Variants in MGAT5B observed in about 807,000 individuals in gnomAD.
MGAT5B encodes the protein N-acetylglucosaminyl-transferase Vb.
Under a neutral mutation model 95.1 loss-of-function variants are expected in MGAT5B, and 54 were observed. The ratio of observed to expected loss-of-function variants is 0.57; its 90% confidence interval spans 0.46 to 0.71. The LOEUF is 0.71. MGAT5B is among the 30% of genes least tolerant of loss of function. The pLI, the probability that MGAT5B is intolerant of heterozygous loss-of-function variation, is 0.00. For missense variants in MGAT5B, 935 were observed against 1,088.6 expected (o/e 0.86, Z 1.99); for synonymous variants, 464 against 451.0 (o/e 1.03, Z -0.36).
intron 1 of MGAT5B, among the ~76,000 whole-genome samples, chr17:76,872,310 C>T (rs1306203134): frequency 2.6e-5 from 4 of 152,206 alleles, no homozygotes; most frequent in East Asian, 1.9e-4. Flanking sequence ...CTGCACACTG[C>T]ACCAAGGCTG....
intron 15 of MGAT5B, among the ~76,000 whole-genome samples, chr17:76,943,481 C>T (rs1375484960): frequency 1.3e-5 from 2 of 152,172 alleles, no homozygotes; most frequent in Non-Finnish European, 2.9e-5. Context: ...TCGAGCCTAT[C>T]CCGCACCTTC....
chr17:76,915,752 G>A lies in MGAT5B; in HGVS notation c.1026-9214G>A, dbSNP rs191682103. Among the ~76,000 whole-genome samples the A allele has an allele frequency of 1.2e-4, 19 of 152,272 alleles. No homozygotes were observed. Among genetic ancestry groups the A allele is most frequent in the South Asian group, 4.1e-4 (2 of 4,826 alleles). On this transcript the variant is annotated intron_variant, in intron 8 of 17. Coordinates refer to ENST00000569840, the MANE Select transcript of MGAT5B (RefSeq NM_001199172.2). This position sits in a 1 kb window ranked among gnomAD's most constrained non-coding sequence, Gnocchi z 8.7. ...GTTCCAAGAGGAGGCACGAGAGGCC[G>A]ACGATTACAATTCACTAAAAATCCC... is the stretch of plus-strand genomic sequence containing the variant.
In MGAT5B at chr17:76,938,602, C is replaced by T. The variant is rs1465862931; in HGVS notation, c.1584+459C>T. On this transcript the variant is annotated intron_variant, in intron 13 of 17. Coordinates refer to ENST00000569840, the MANE Select transcript of MGAT5B (RefSeq NM_001199172.2). This position sits in a 1 kb window ranked among gnomAD's most constrained non-coding sequence, Gnocchi z 4.3. ...GCTGTACTGCTGGAGCAGCAGTTGACACAGTGGGCAAAACCCTGACTGGAC... is the reference window on the plus strand; with the variant it reads ...GCTGTACTGCTGGAGCAGCAGTTGATACAGTGGGCAAAACCCTGACTGGAC... Among the ~76,000 whole-genome samples, 1 of 152,152 alleles carries T rather than the reference C, an allele frequency of 6.6e-6. No individual in the cohort carries two copies. The highest frequency in any genetic ancestry group is 1.5e-5 in the Non-Finnish European group (1 of 68,028).
intron 8 of MGAT5B, among the ~76,000 whole-genome samples, chr17:76,920,663 T>C (rs1182869705): frequency 6.6e-6 from 1 of 151,978 alleles, no homozygotes; most frequent in Non-Finnish European, 1.5e-5. Flanking sequence ...CATGTGGGCT[T>C]CTCCTTAACT....
At chr17:76,946,547 A>AC (rs1347055194) in intron 16 of MGAT5B, 97 bp downstream of exon 16, 2 of 1,023,796 alleles carry the variant, frequency 2.0e-6, no homozygotes. Context: ...CACCCGTGAA[A>AC]CCATCCAACT....
At chr17:76,942,173 A>G (rs2145280878) in intron 15 of MGAT5B, among the ~76,000 whole-genome samples, 1 of 152,360 alleles carries the variant, frequency 6.6e-6, no homozygotes, top group East Asian at 1.9e-4. Flanking sequence ...CTAGCTCTCA[A>G]CGCAGTGTTG....
At chr17:76,894,951 C>T (rs1399991278) in intron 3 of MGAT5B, among the ~76,000 whole-genome samples, 2 of 151,986 alleles carry the variant, frequency 1.3e-5, no homozygotes, top group Non-Finnish European at 2.9e-5. Flanking sequence ...TTGTGTTAAA[C>T]CAGCTGTCCC....
At chr17:76,934,708 A>G (rs575647446) in intron 12 of MGAT5B, among the ~76,000 whole-genome samples, 15 of 152,304 alleles carry the variant, frequency 9.8e-5, no homozygotes, top group African/African-American at 3.6e-4. Flanking sequence ...CTGGAAAGAG[A>G]AACGTTTTAT....
rs775993737 is a variant in MGAT5B at position 76,882,138 on chromosome 17, A to G, written c.182-13A>G. On this transcript the variant is annotated splice_polypyrimidine_tract_variant and intron_variant, in intron 2 of 17. Transcript: ENST00000569840. ...TCGGGCCTCCCCTAACCATACCCAC[A>G]CTCTGCCCACAGTGATGGGGGGCCC... 1.2e-6 allele frequency: 2 copies of G among 1,603,330 alleles called. No individual in the cohort carries two copies. The highest frequency in any genetic ancestry group is 8.5e-7 in the Non-Finnish European group (1 of 1,173,406).
rs1970146550 is a variant in MGAT5B, at chr17:76,949,664, A to G, written c.*826A>G. ...CAACTCCAGGTGGTGGATTTGTTCC[A>G]AAGCCTCAATCCCTACCCCCTCCAA... is the stretch of plus-strand genomic sequence containing the variant. On this transcript the variant is annotated 3_prime_UTR_variant, in exon 18 of 18. Transcript: ENST00000569840. 1 of 152,086 alleles carries G rather than the reference A, an allele frequency of 6.6e-6. No homozygotes were observed. The highest frequency in any genetic ancestry group is 1.5e-5 in the Non-Finnish European group (1 of 68,026). The allele number at this position is 152,086 out of a possible 1,614,324, so 9.4% of individuals were successfully genotyped here. A position where few individuals can be genotyped will look rare whatever the true frequency, so the allele number is the denominator to read the frequency against.
Position 76,940,655 on chromosome 17 carries a change from G to C in MGAT5B, c.1732-77G>C, listed in dbSNP as rs922442061. ...TGTGGGGCAAAAGGAGATAGGACAA[G>C]TGTATGGGGTACCTTTCTTTGTCCC... is the stretch of plus-strand genomic sequence containing the variant. On this transcript the variant is annotated intron_variant, in intron 14 of 17. Coordinates refer to ENST00000569840, the MANE Select transcript of MGAT5B (RefSeq NM_001199172.2). The surrounding 1 kb of genome is among the most constrained non-coding windows in gnomAD (Gnocchi z 4.3). 4.4e-6 allele frequency: 7 copies of C among 1,596,124 alleles called. No individual in the cohort carries two copies. In the African/African-American group the frequency reaches 8.0e-5, roughly 18 times the overall value.
chr17:76,942,883 A>G (rs1196659547), intron 15 of MGAT5B, among the ~76,000 whole-genome samples: 1 of 151,976 alleles, frequency 6.6e-6, no homozygotes, highest in Non-Finnish European at 1.5e-5. Flanking sequence ...TTGCAAACCA[A>G]TCCTCTAAGA....
At chr17:76,897,660 A>ACTTACTTTCTTTCTTTCTTTCTTT (rs1968113593) in intron 3 of MGAT5B, among the ~76,000 whole-genome samples, 1 of 69,386 alleles carries the variant, frequency 1.4e-5, no homozygotes, top group East Asian at 4.2e-4. Context: ...AAGTAAGGCC[A>ACTTACTTTCTTTCTTTCTTTCTTT]CTTTCTTTCT....
intron 15 of MGAT5B, among the ~76,000 whole-genome samples, chr17:76,943,669 G>C (rs987405942): frequency 6.6e-6 from 1 of 151,928 alleles, no homozygotes; most frequent in African/African-American, 2.4e-5. Flanking sequence ...TCGAACTCCT[G>C]GGCACAAGCA....
chr17:76,887,776 C>T (rs938650473), intron 3 of MGAT5B, among the ~76,000 whole-genome samples: 6 of 151,574 alleles, frequency 4.0e-5, no homozygotes, highest in African/African-American at 9.7e-5. Context: ...AGGCTGGTCT[C>T]GAACTCCTGA....
rs1264629906 is a variant in MGAT5B, at chr17:76,938,540, G to A, written c.1584+397G>A. ...AGGGTCCTGGCTAGAGTGCCATTGAGCCACTAGTCCTGAGTGACTGCTTCA... is the reference window on the plus strand; with the variant it reads ...AGGGTCCTGGCTAGAGTGCCATTGAACCACTAGTCCTGAGTGACTGCTTCA... On this transcript the variant is annotated intron_variant, in intron 13 of 17. Transcript: ENST00000569840. The surrounding 1 kb of genome is among the most constrained non-coding windows in gnomAD (Gnocchi z 4.3). Among the ~76,000 whole-genome samples, 1 of 152,204 alleles carries A rather than the reference G, an allele frequency of 6.6e-6. No homozygotes were observed. Among genetic ancestry groups the A allele is most frequent in the East Asian group, 1.9e-4 (1 of 5,196 alleles).
rs1403998282 is a variant in MGAT5B, at chr17:76,905,472, C to G, written c.855+139C>G. The stretch of plus-strand genomic sequence containing the variant: ...CAGAGGGAGAGAGGGGTAGGGATGG[C>G]AGAGTCGGGATAGATGTCTGTGGTG... On this transcript the variant is annotated intron_variant, in intron 7 of 17. Transcript: ENST00000569840. The surrounding 1 kb of genome is among the most constrained non-coding windows in gnomAD (Gnocchi z 4.2). 1 of 811,072 alleles carries G rather than the reference C, an allele frequency of 1.2e-6. No individual in the cohort carries two copies. Among genetic ancestry groups the G allele is most frequent in the Non-Finnish European group, 1.8e-6 (1 of 542,774 alleles). 50.2% of individuals were successfully genotyped at this position (811,072 alleles called of 1,614,324 possible).
At chr17:76,933,376 C>A in intron 12 of MGAT5B, 79 bp downstream of exon 12, 2 of 1,555,862 alleles carry the variant, frequency 1.3e-6, no homozygotes, top group East Asian at 2.2e-5. Context: ...GGGGTCTCTC[C>A]TTGTGATGTT....
chr17:76,946,016 G>A (rs1210238086), intron 15 of MGAT5B, among the ~76,000 whole-genome samples: 2 of 150,974 alleles, frequency 1.3e-5, no homozygotes, highest in Admixed American at 6.6e-5. Context: ...GCTCCCTGGA[G>A]CAGGTGATGC....
Sources: allele counts gnomAD v4.1 joint callset (sites outside exome capture counted in the v4.1 genomes callset), GRCh38; gene constraint gnomAD v4.1.1; non-coding constraint Gnocchi (gnomAD v3.1); transcripts MANE v1.5; gene names NCBI Gene and HGNC (gene_info 2026-07-23, HGNC 2026-07-21).